The following CDH18 variants were observed in gnomAD, a reference collection of about 807,000 sequenced individuals.
CDH18 encodes cadherin 18, also known as cadherin-18.
In CDH18, 31 loss-of-function variants were observed where a neutral mutation model predicts 67.9. The observed-to-expected ratio is 0.46, with a 90% CI of 0.34 to 0.62. The LOEUF is 0.62. Ranked by LOEUF, CDH18 falls within the 20% of genes least tolerant of loss-of-function variation. The probability of loss-of-function intolerance (pLI) is 0.01; values close to 1 mark genes in which losing one functional copy is unlikely to be tolerated. For missense variants in CDH18, 890 were observed against 975.5 expected (o/e 0.91, Z 1.17); for synonymous variants, 362 against 347.2 (o/e 1.04, Z -0.48).
intron 5 of CDH18, among the ~76,000 whole-genome samples, chr5:19,690,591 A>G (rs1761729968): frequency 6.6e-6 from 1 of 151,710 alleles, no homozygotes; most frequent in Non-Finnish European, 1.5e-5. Context: ...CAGAAACATA[A>G]AAGGATACAT....
At chr5:20,376,090 A>ACTTTTTTTTTTTT (rs1562014136) in intron 1 of CDH18, among the ~76,000 whole-genome samples, 1 of 16,880 alleles carries the variant, frequency 5.9e-5, no homozygotes, top group South Asian at 4.5e-3. Context: ...AAAAAGAAAC[A>ACTTTTTTTTTTTT]ATTTTTTTTT....
chr5:20,360,228 ACTAT>A, intron 1 of CDH18, among the ~76,000 whole-genome samples: 1 of 149,584 alleles, frequency 6.7e-6, no homozygotes, highest in East Asian at 2.0e-4. Flanking sequence ...TGAATCCATA[ACTAT>A]CTATTCTTTC....
chr5:19,743,222 A>C (rs1408558972), intron 4 of CDH18, among the ~76,000 whole-genome samples: 1 of 152,196 alleles, frequency 6.6e-6, no homozygotes, highest in Non-Finnish European at 1.5e-5. Flanking sequence ...ATATATTTGT[A>C]ACAAACGCTA....
At chr5:20,260,865 G>A (rs550234947) in intron 1 of CDH18, among the ~76,000 whole-genome samples, 1 of 152,300 alleles carries the variant, frequency 6.6e-6, no homozygotes, top group Admixed American at 6.5e-5. Flanking sequence ...TTCTACAACT[G>A]CAAGGAACCA....
At chr5:19,576,752 A>T (rs1168571907) in intron 7 of CDH18, among the ~76,000 whole-genome samples, 1 of 152,178 alleles carries the variant, frequency 6.6e-6, no homozygotes, top group Non-Finnish European at 1.5e-5. Context: ...TAGCCAAAGG[A>T]ACTGACATCA....
At chr5:19,834,165 T>A (rs904566170) in intron 3 of CDH18, among the ~76,000 whole-genome samples, 4 of 151,444 alleles carry the variant, frequency 2.6e-5, no homozygotes, top group Middle Eastern at 3.4e-3. Context: ...TTTTTTTTTT[T>A]TTATTGGTAG....
chr5:19,486,482 G>A (rs539457549), intron 11 of CDH18, among the ~76,000 whole-genome samples: 2 of 151,966 alleles, frequency 1.3e-5, no homozygotes, highest in East Asian at 1.9e-4. Flanking sequence ...TCTCTAATGC[G>A]ATATACAATG....
At chr5:19,891,020 C>T (rs1401397307) in intron 2 of CDH18, among the ~76,000 whole-genome samples, 2 of 152,094 alleles carry the variant, frequency 1.3e-5, no homozygotes, top group African/African-American at 2.4e-5. Context: ...TGGATAACAT[C>T]CTTAGTAAGA....
At chr5:20,268,105 C>A (rs1030626612) in intron 1 of CDH18, among the ~76,000 whole-genome samples, 1 of 152,212 alleles carries the variant, frequency 6.6e-6, no homozygotes, top group Non-Finnish European at 1.5e-5. Flanking sequence ...CAGTTGCACA[C>A]ATATGGCTGC....
At chr5:20,360,061 CTTATA>C (rs1238582550) in intron 1 of CDH18, among the ~76,000 whole-genome samples, 3 of 140,248 alleles carry the variant, frequency 2.1e-5, no homozygotes, top group Admixed American at 6.9e-5. Context: ...TATATATATA[CTTATA>C]TTATTGTAAC....
At chr5:20,333,781 G>T (rs1009017075) in intron 1 of CDH18, among the ~76,000 whole-genome samples, 2 of 152,062 alleles carry the variant, frequency 1.3e-5, no homozygotes, top group African/African-American at 2.4e-5. Flanking sequence ...CCACCTGGAA[G>T]CATTATCTTT....
chr5:19,912,184 A>T (rs1791224936), intron 2 of CDH18, among the ~76,000 whole-genome samples: 2 of 69,822 alleles, frequency 2.9e-5, no homozygotes, highest in Admixed American at 1.6e-4. Context: ...CAATAATAAT[A>T]AAAAAAAAAC....
chr5:20,175,811 G>A (rs1737186454), intron 2 of CDH18, among the ~76,000 whole-genome samples: 1 of 151,980 alleles, frequency 6.6e-6, no homozygotes, highest in Non-Finnish European at 1.5e-5. Flanking sequence ...ATTAGATGGT[G>A]CCCACCCAGA....
At chr5:20,261,602 G>C (rs966209302) in intron 1 of CDH18, among the ~76,000 whole-genome samples, 2 of 152,160 alleles carry the variant, frequency 1.3e-5, no homozygotes, top group Admixed American at 1.3e-4. Context: ...TTAGCCAGGC[G>C]TGGTGGCGGG....
chr5:20,411,316 T>A (rs1746752568), intron 1 of CDH18, among the ~76,000 whole-genome samples: 1 of 152,202 alleles, frequency 6.6e-6, no homozygotes, highest in East Asian at 1.9e-4. Context: ...TCAGCTGTTG[T>A]TGGACAAAAG....
At chr5:20,479,983 T>C (rs148067063) in intron 1 of CDH18, among the ~76,000 whole-genome samples, 435 of 152,258 alleles carry the variant, frequency 2.9e-3, no homozygotes, top group Non-Finnish European at 4.2e-3. Flanking sequence ...TGGCATGACA[T>C]ATATGTGGTG....
intron 5 of CDH18, among the ~76,000 whole-genome samples, chr5:19,655,853 T>G (rs1409186059): frequency 6.6e-6 from 1 of 152,156 alleles, no homozygotes; most frequent in Non-Finnish European, 1.5e-5. Context: ...TCTAACAGGC[T>G]GTCAGCAATA....
intron 8 of CDH18, among the ~76,000 whole-genome samples, chr5:19,569,467 G>A (rs1740991430): frequency 6.6e-6 from 1 of 152,128 alleles, no homozygotes; most frequent in Admixed American, 6.6e-5. Flanking sequence ...ACAGGGCCCA[G>A]GTATTTCATT....
At position 20,432,372 on chromosome 5, in the gene CDH18, G is replaced by A. The variant is rs181506818; in HGVS notation, c.-580+143090C>T. ...CTGGAATGCTAATAGTTGGTAAAGG[G>A]TTTGAGCTCAGAACAGAGGGAAAGC... On this transcript the variant is annotated intron_variant, in intron 1 of 14. Coordinates refer to the CDH18 transcript ENST00000507958. 9.9e-5 allele frequency among the ~76,000 whole-genome samples: 15 copies of A among 152,246 alleles called. 1 individual carries two copies. Among genetic ancestry groups the A allele is most frequent in the Non-Finnish European group, 2.1e-4 (14 of 68,010 alleles).
Sources: allele counts gnomAD v4.1 joint callset (sites outside exome capture counted in the v4.1 genomes callset), GRCh38; gene constraint gnomAD v4.1.1; transcripts MANE v1.5; gene names NCBI Gene and HGNC (gene_info 2026-07-23, HGNC 2026-07-21).